The following PCSK9 variants were observed in gnomAD, a reference collection of about 807,000 sequenced individuals.
PCSK9 encodes the protein proprotein convertase subtilisin/kexin type 9.
A neutral mutation model predicts 62.1 loss-of-function variants in PCSK9; 57 were observed. The observed-to-expected ratio is 0.92, with a 90% CI of 0.74 to 1.14. The LOEUF (loss-of-function observed/expected upper bound fraction) is 1.14, where lower values mean the gene tolerates loss of function less well. Ranked by LOEUF, PCSK9 falls within the 50% of genes most tolerant of loss-of-function variation. The pLI, the probability that PCSK9 is intolerant of heterozygous loss-of-function variation, is 0.00. For missense variants in PCSK9, 870 were observed against 959.8 expected (o/e 0.91, Z 1.24); for synonymous variants, 387 against 409.4 (o/e 0.95, Z 0.66).
In PCSK9 at chr1:55,063,781, T is replaced by C; in HGVS notation, c.*197T>C. On this transcript the variant is annotated 3_prime_UTR_variant, in exon 12 of 12. Coordinates refer to ENST00000302118, the MANE Select transcript of PCSK9 (RefSeq NM_174936.4). ...CTGGAACTCACTCACTCTGGGTGCCTCCTCCCCAGGTGGAGGTGCCAGGAA... is the reference window on the plus strand; with the variant it reads ...CTGGAACTCACTCACTCTGGGTGCCCCCTCCCCAGGTGGAGGTGCCAGGAA... 1 of 647,082 alleles carries C rather than the reference T, an allele frequency of 1.5e-6. No individual in the cohort carries two copies. The highest frequency in any genetic ancestry group is 2.0e-5 in the South Asian group (1 of 49,344). 40.1% of individuals were successfully genotyped at this position (647,082 alleles called of 1,614,324 possible).
chr1:55,052,444 C>T lies in PCSK9; in HGVS notation c.657+33C>T. 1.9e-6 allele frequency: 3 copies of T among 1,613,378 alleles called. No homozygotes were observed. The East Asian group carries it at 6.7e-5, about 36-fold the overall frequency. On this transcript the variant is annotated intron_variant, in intron 4 of 11. Coordinates refer to ENST00000302118, the MANE Select transcript of PCSK9 (RefSeq NM_174936.4). The stretch of plus-strand genomic sequence containing the variant: ...CGGCCGTCTGATGGGAGGGCTGCCT[C>T]TGCCCATATCCCCATCCTGGAGGTG...
chr1:55,052,169 TA>T (rs1430402004), intron 3 of PCSK9, 108 bp from the exon 4 acceptor site: 2 of 1,456,066 alleles, frequency 1.4e-6, no homozygotes, highest in Non-Finnish European at 9.6e-7. Flanking sequence ...TGAATATATT[TA>T]AGGCGCTTTC....
Position 55,059,571 on chromosome 1 carries a change from C to A in PCSK9, c.1589C>A (p.Pro530His), listed in dbSNP as rs899919751. Residue 530 changes from proline to histidine, a missense_variant, in exon 10 of 12, where the codon CCC becomes CAC. Transcript: ENST00000302118. ...VYAIARCCLL[P>H]QANCSVHTAP... ...GCCATTGCCAGGTGCTGCCTGCTAC[C>A]CCAGGCCAACTGCAGCGTCCACACA... The A allele has an allele frequency of 6.4e-7, 1 of 1,555,400 alleles. No individual in the cohort carries two copies. The highest frequency in any genetic ancestry group is 1.4e-5 in the African/African-American group (1 of 73,688).
At chr1:55,050,985 G>A (rs1020407212) in intron 3 of PCSK9, 9 of 374,220 alleles carry the variant, frequency 2.4e-5, no homozygotes, top group African/African-American at 1.7e-4. Context: ...GGGCCACGTG[G>A]AGACAGAGGT....
intron 3 of PCSK9, 83 bp from the exon 4 acceptor site, chr1:55,052,195 T>C: frequency 6.3e-7 from 1 of 1,587,528 alleles, no homozygotes; most frequent in East Asian, 2.2e-5. Context: ...GTGCCTGGGA[T>C]GTGCTCTGTA....
chr1:55,056,366 G>T (rs1300716904), intron 6 of PCSK9, among the ~76,000 whole-genome samples, 177 bp downstream of exon 6: 3 of 152,204 alleles, frequency 2.0e-5, no homozygotes, highest in South Asian at 2.1e-4. Flanking sequence ...CATGCGGGAG[G>T]CTGGGGAGGA....
chr1:55,055,849 A>G (rs1644709946), intron 5 of PCSK9, 144 bp from the exon 6 acceptor site: 5 of 754,120 alleles, frequency 6.6e-6, no homozygotes, highest in African/African-American at 1.8e-5. Context: ...ATATTTTCGC[A>G]GCAGCATTTC....
At chr1:55,049,502 C>T (rs1351798305) in intron 3 of PCSK9, among the ~76,000 whole-genome samples, 1 of 152,214 alleles carries the variant, frequency 6.6e-6, no homozygotes, top group East Asian at 1.9e-4. Flanking sequence ...CCTCTTTGCC[C>T]CTGAGAGTGG....
Position 55,063,919 on chromosome 1 carries a change from GC to G in PCSK9, c.*336del, listed in dbSNP as rs1309484550. On this transcript the variant is annotated 3_prime_UTR_variant, in exon 12 of 12. Transcript: ENST00000302118. ...CCGTGGGCAGAATGACTTTTATTGA[GC>G]TCTTGTTCCGTGCCAGGCATTCAAT... 2.7e-6 allele frequency: 1 copy of G among 374,384 alleles called. No homozygotes were observed. The highest frequency in any genetic ancestry group is 2.0e-5 in the African/African-American group (1 of 49,322). The allele number at this position is 374,384 out of a possible 1,614,324, so 23.2% of individuals were successfully genotyped here.
Position 55,052,365 on chromosome 1 carries a change from A to G in PCSK9, c.611A>G (p.Asp204Gly), listed in dbSNP as rs1469436928. The stretch of plus-strand genomic sequence containing the variant: ...ATCGAGGGCAGGGTCATGGTCACCG[A>G]CTTCGAGAATGTGCCCGAGGAGGAC... ...REIEGRVMVT[D>G]FENVPEEDGT... The change falls in exon 4 of 12, where the codon GAC becomes GGC. Residue 204 changes from aspartate to glycine, a missense_variant. Coordinates refer to ENST00000302118, the MANE Select transcript of PCSK9 (RefSeq NM_174936.4). The G allele has an allele frequency of 1.9e-6, 3 of 1,613,688 alleles. No homozygotes were observed. The Admixed American group carries it at 5.0e-5, about 27-fold the overall frequency.
chr1:55,060,748 G>A (rs1215791554), intron 10 of PCSK9, among the ~76,000 whole-genome samples: 2 of 152,146 alleles, frequency 1.3e-5, no homozygotes, highest in African/African-American at 2.4e-5. Flanking sequence ...TGGCTGCCCC[G>A]AGCCCTTGCA....
At position 55,060,266 on chromosome 1, in the gene PCSK9, C is replaced by T. The variant is rs142325411; in HGVS notation, c.1681+603C>T. ...TGCCCAGGCAGGTAGCAGGAAGTCA[C>T]AGATGGGGACCTCTTGGGGCATCAA... On this transcript the variant is annotated intron_variant, in intron 10 of 11. Coordinates refer to ENST00000302118, the MANE Select transcript of PCSK9 (RefSeq NM_174936.4). Among the ~76,000 whole-genome samples the T allele has an allele frequency of 5.6e-4, 86 of 152,316 alleles. 1 individual carries two copies. Among genetic ancestry groups the T allele is most frequent in the African/African-American group, 2.0e-3 (82 of 41,570 alleles).
chr1:55,044,588 A>C (rs1302838534), intron 2 of PCSK9, among the ~76,000 whole-genome samples: 1 of 150,154 alleles, frequency 6.7e-6, no homozygotes, highest in Non-Finnish European at 1.5e-5. Context: ...CTAGTGCTTC[A>C]AATCTTAAAA....
At chr1:55,045,360 G>C (rs921598121) in intron 2 of PCSK9, among the ~76,000 whole-genome samples, 2 of 152,182 alleles carry the variant, frequency 1.3e-5, no homozygotes, top group African/African-American at 4.8e-5. Context: ...ACCTCTCTGA[G>C]CCTCATTCCT....
Position 55,040,964 on chromosome 1 carries a change from C to A in PCSK9, c.207+920C>A, listed in dbSNP as rs764988917. ...GACTTGGCTGAGGTTCTGTGTCCCC[C>A]AGCTTGGAGTCAGATGTGGGGTTGA... On this transcript the variant is annotated intron_variant, in intron 1 of 11. Coordinates refer to ENST00000302118, the MANE Select transcript of PCSK9 (RefSeq NM_174936.4). This position sits in a 1 kb window ranked among gnomAD's most constrained non-coding sequence, Gnocchi z 4.1. Among the ~76,000 whole-genome samples the A allele has an allele frequency of 5.3e-5, 8 of 152,228 alleles. No individual in the cohort carries two copies. Among genetic ancestry groups the A allele is most frequent in the Non-Finnish European group, 1.2e-4 (8 of 68,050 alleles).
intron 3 of PCSK9, chr1:55,050,857 C>T: frequency 3.2e-6 from 1 of 314,278 alleles, no homozygotes; most frequent in South Asian, 2.4e-5. Context: ...GAGAAAAGGT[C>T]TTTGTAGATG....
At position 55,056,147 on chromosome 1, in the gene PCSK9, C is replaced by G; in HGVS notation, c.954C>G (p.Phe318Leu). 1 of 1,545,112 alleles carries G rather than the reference C, an allele frequency of 6.5e-7. No individual in the cohort carries two copies. The highest frequency in any genetic ancestry group is 8.8e-7 in the Non-Finnish European group (1 of 1,138,166). ...GVVLVTAAGN[F>L]RDDACLYSPA... Reference sequence around the variant, plus strand: ...TGCTGGTCACCGCTGCCGGCAACTTCCGGGACGATGCCTGCCTCTACTCCC... The same window carrying G: ...TGCTGGTCACCGCTGCCGGCAACTTGCGGGACGATGCCTGCCTCTACTCCC... Residue 318 changes from phenylalanine (F) to leucine (L), a missense_variant, in exon 6 of 12, where the codon TTC (phenylalanine) becomes TTG (leucine). Physicochemically the swap from Phe to Leu is conservative, Grantham distance 22. Coordinates refer to ENST00000302118, the MANE Select transcript of PCSK9 (RefSeq NM_174936.4).
chr1:55,058,915 C>T (rs1644738046), intron 9 of PCSK9, among the ~76,000 whole-genome samples: 1 of 152,182 alleles, frequency 6.6e-6, no homozygotes, highest in South Asian at 2.1e-4. Context: ...TCAATGCTCA[C>T]CTGGGTGTGA....
At position 55,061,474 on chromosome 1, in the gene PCSK9, C is replaced by A. The variant is rs578162610; in HGVS notation, c.1781C>A (p.Ala594Asp). Residue 594 changes from alanine (A) to aspartate (D), a missense_variant, in exon 11 of 12, where the codon GCC becomes GAC. Physicochemically the swap from Ala to Asp is moderately radical, Grantham distance 126 (BLOSUM62 -2). Coordinates refer to ENST00000302118, the MANE Select transcript of PCSK9 (RefSeq NM_174936.4). ...QPNQCVGHRE[A>D]SIHASCCHAP... The stretch of plus-strand genomic sequence containing the variant: ...AACCAGTGCGTGGGCCACAGGGAGG[C>A]CAGCATCCACGCTTCCTGCTGCCAT... 1.2e-5 allele frequency: 20 copies of A among 1,606,596 alleles called. No individual in the cohort carries two copies. The African/African-American group carries it at 2.0e-4, about 16-fold the overall frequency.
Sources: gnomAD v4.1 joint callset for allele counts (sites outside exome capture counted in the v4.1 genomes callset) on GRCh38, gnomAD v4.1.1 for gene constraint, Gnocchi (gnomAD v3.1) non-coding constraint, MANE v1.5 for transcripts, NCBI Gene and HGNC (gene_info 2026-07-23, HGNC 2026-07-21) for gene names.